TLL2: variants seen among roughly 807,000 people sequenced by gnomAD.
TLL2 encodes tolloid-like protein 2.
TLL2 carries 106 observed loss-of-function variants against 123.0 expected under a neutral mutation model. The ratio of observed to expected loss-of-function variants is 0.86; its 90% CI spans 0.74 to 1.01. The LOEUF (loss-of-function observed/expected upper bound fraction) is 1.01, where lower values mean the gene tolerates loss of function less well. TLL2 is among the 50% of genes least tolerant of loss of function. TLL2 has a pLI of 0.00. For missense variants in TLL2, 1,332 were observed against 1,336.7 expected, an observed-to-expected ratio of 1.00 and a Z score of 0.06; for synonymous variants, 494 against 516.8, an observed-to-expected ratio of 0.96 and a Z score of 0.60.
intron 3 of TLL2, among the ~76,000 whole-genome samples, chr10:96,442,395 A>G (rs1037325438): frequency 6.6e-6 from 1 of 152,204 alleles, no homozygotes; most frequent in Admixed American, 6.5e-5. Context: ...CTTTCATTCA[A>G]ATAAAAGCAA....
In TLL2 at chr10:96,420,999, C is replaced by T. The variant is rs151093714; in HGVS notation, c.880G>A (p.Asp294Asn). ...GCGTAGTGCATGATGCTGTCAAAGT[C>T]GTATGTCTCTCCCAGAGAGCTCACT... ...GEVSSLGETY[D>N]FDSIMHYARN... Residue 294 changes from aspartate (D) to asparagine (N), a missense_variant, in exon 7 of 21, where the codon GAC becomes AAC. Physicochemically the swap from Asp to Asn is conservative, Grantham distance 23. Transcript: ENST00000357947. 4.4e-5 allele frequency: 71 copies of T among 1,614,086 alleles called. No individual in the cohort carries two copies. The highest frequency in any genetic ancestry group is 6.7e-5 in the Admixed American group (4 of 60,018).
chr10:96,459,602 G>A (rs971556480), intron 2 of TLL2, among the ~76,000 whole-genome samples: 3 of 144,906 alleles, frequency 2.1e-5, no homozygotes, highest in Admixed American at 7.0e-5. Flanking sequence ...TCTGTGAGGC[G>A]GAGGTTGCAG....
chr10:96,453,797 A>G (rs2134090789), intron 2 of TLL2, among the ~76,000 whole-genome samples: 1 of 152,318 alleles, frequency 6.6e-6, no homozygotes, highest in African/African-American at 2.4e-5. Context: ...AAATAGGCAA[A>G]AAACATGCCG....
intron 1 of TLL2, among the ~76,000 whole-genome samples, chr10:96,505,605 T>TA (rs1341968529): frequency 6.6e-6 from 1 of 152,234 alleles, no homozygotes; most frequent in Non-Finnish European, 1.5e-5. Context: ...CCAGCAAGCC[T>TA]AGGCAGGTTT....
At chr10:96,500,713 G>A (rs11188801) in intron 1 of TLL2, among the ~76,000 whole-genome samples, 32,866 of 151,476 alleles carry the variant, frequency 0.22, 3,863 homozygotes, top group East Asian at 0.29. Flanking sequence ...CTGAGCCCGG[G>A]AGGCGGAGGC....
chr10:96,448,215 A>T (rs570147245), intron 2 of TLL2, among the ~76,000 whole-genome samples: 1 of 150,978 alleles, frequency 6.6e-6, no homozygotes, highest in Non-Finnish European at 1.5e-5. Context: ...CCACTCACAC[A>T]CTCCCTGCAG....
At position 96,428,668 on chromosome 10, in the gene TLL2, C is replaced by T. The variant is rs368123754; in HGVS notation, c.601G>A (p.Glu201Lys). The stretch of plus-strand genomic sequence containing the variant: ...TAACTGAATACAATAAAGCTTTCCT[C>T]ATCCGTCCTTTCTATGAAGGTCACA... ...TCVTFIERTD[E>K]ESFIVFSYRT... The change falls in exon 5 of 21, where the codon GAG becomes AAG. Residue 201 changes from glutamate to lysine, a missense_variant. By Grantham distance (56) the Glu-to-Lys change is moderately conservative (BLOSUM62 1). Transcript: ENST00000357947. 4.3e-6 allele frequency: 7 copies of T among 1,614,110 alleles called. No individual in the cohort carries two copies. The highest frequency in any genetic ancestry group is 2.2e-5 in the South Asian group (2 of 91,056).
chr10:96,476,241 T>TACATA (rs1554939631), intron 2 of TLL2, among the ~76,000 whole-genome samples: 1 of 72,410 alleles, frequency 1.4e-5, no homozygotes, highest in South Asian at 5.0e-4. Flanking sequence ...TATATATATA[T>TACATA]TTTATTTTTG....
chr10:96,472,862 C>G (rs1847198068), intron 2 of TLL2, among the ~76,000 whole-genome samples: 1 of 152,158 alleles, frequency 6.6e-6, no homozygotes, highest in African/African-American at 2.4e-5. Context: ...GCCCAGAAAC[C>G]CTAAATCCAA....
At chr10:96,439,329 G>T (rs1372465659) in intron 3 of TLL2, among the ~76,000 whole-genome samples, 1 of 151,016 alleles carries the variant, frequency 6.6e-6, no homozygotes, top group East Asian at 2.0e-4. Context: ...TTGAACTCCT[G>T]GCCTCAAGTG....
Position 96,377,363 on chromosome 10 carries a change from TGGAGTC to T in TLL2, c.2321-550_2321-545del, listed in dbSNP as rs766642398. 1.4e-3 allele frequency among the ~76,000 whole-genome samples: 206 copies of T among 152,348 alleles called. 1 individual carries two copies. Among genetic ancestry groups the T allele is most frequent in the Non-Finnish European group, 1.8e-3 (121 of 68,032 alleles). ...TTTAGTTTTTCAAAGTGGCTTTATTTGGAGTCTACCAAGTTTGTCCTGGTTACAGTG... is the reference window on the plus strand; with the variant it reads ...TTTAGTTTTTCAAAGTGGCTTTATTTTACCAAGTTTGTCCTGGTTACAGTG... On this transcript the variant is annotated intron_variant, in intron 17 of 20. Transcript: ENST00000357947.
intron 20 of TLL2, 114 bp downstream of exon 20, chr10:96,369,951 C>A (rs1009820348): frequency 7.1e-7 from 1 of 1,411,142 alleles, no homozygotes; most frequent in Non-Finnish European, 9.4e-7. Flanking sequence ...GCCTCCTCGC[C>A]GTTGCTCCTA....
chr10:96,487,978 T>C (rs554108685), intron 1 of TLL2, among the ~76,000 whole-genome samples: 12 of 152,222 alleles, frequency 7.9e-5, no homozygotes, highest in African/African-American at 2.2e-4. Context: ...CCGAATCAGA[T>C]AGCCCCCAGC....
At chr10:96,369,367 A>C (rs1310712595) in intron 20 of TLL2, among the ~76,000 whole-genome samples, 3 of 152,254 alleles carry the variant, frequency 2.0e-5, no homozygotes, top group Non-Finnish European at 2.9e-5. Flanking sequence ...GTGACTTGTA[A>C]TTTTCAGAGC....
At chr10:96,502,065 G>C (rs557343830) in intron 1 of TLL2, among the ~76,000 whole-genome samples, 48 of 152,296 alleles carry the variant, frequency 3.2e-4, no homozygotes, top group African/African-American at 1.1e-3. Context: ...ATTGAGACTG[G>C]GGACTGGGAA....
intron 2 of TLL2, among the ~76,000 whole-genome samples, chr10:96,478,938 G>T (rs1028748409): frequency 6.6e-6 from 1 of 152,104 alleles, no homozygotes; most frequent in Non-Finnish European, 1.5e-5. Flanking sequence ...CTATTTTTAA[G>T]TAACACCATC....
At chr10:96,436,397 G>A (rs1846795314) in intron 3 of TLL2, among the ~76,000 whole-genome samples, 1 of 152,016 alleles carries the variant, frequency 6.6e-6, no homozygotes, top group African/African-American at 2.4e-5. Flanking sequence ...CTAATTGATG[G>A]GTTTCATATG....
chr10:96,433,102 G>T, intron 3 of TLL2, 140 bp from the exon 4 acceptor site: 1 of 1,159,832 alleles, frequency 8.6e-7, no homozygotes, highest in Non-Finnish European at 1.2e-6. Flanking sequence ...TCAGGGTTTG[G>T]AAGCCCTGGG....
At chr10:96,419,874 C>T (rs1388670542) in intron 7 of TLL2, among the ~76,000 whole-genome samples, 2 of 152,218 alleles carry the variant, frequency 1.3e-5, no homozygotes, top group Non-Finnish European at 2.9e-5. Context: ...CATGGAGACT[C>T]ATGGAATGGA....
Sources: gnomAD v4.1 joint callset for allele counts (sites outside exome capture counted in the v4.1 genomes callset) on GRCh38, gnomAD v4.1.1 for gene constraint, MANE v1.5 for transcripts, NCBI Gene and HGNC (gene_info 2026-07-23, HGNC 2026-07-21) for gene names.